The following SFSWAP variants were observed in gnomAD, a reference collection of about 807,000 sequenced individuals.
SFSWAP encodes the protein splicing factor, suppressor of white-apricot homolog.
A neutral mutation model predicts 100.7 loss-of-function variants in SFSWAP; 17 were observed. The observed-to-expected ratio is 0.17, with a 90% CI of 0.12 to 0.25. The LOEUF is 0.25. Among genes scored for constraint, SFSWAP ranks in the 10% least tolerant of loss-of-function variants. SFSWAP has a pLI of 1.00. For synonymous variants in SFSWAP, 504 were observed against 510.1 expected (o/e 0.99, Z 0.16); for missense variants, 1,005 against 1,262.6 (o/e 0.80, Z 3.09).
intron 13 of SFSWAP, among the ~76,000 whole-genome samples, chr12:131,772,262 C>T (rs575320405): frequency 2.0e-5 from 3 of 152,286 alleles, no homozygotes; most frequent in South Asian, 4.1e-4. Context: ...CATTTGTACT[C>T]GATCTTTCTG....
Position 131,754,441 on chromosome 12 carries a change from T to C in SFSWAP, c.1396T>C (p.Tyr466His). ...VQPVIDKLAE[Y>H]VARNGLKFET... is the part of the protein sequence containing the mutation. ...GCCCGTGATTGACAAGCTGGCCGAG[T>C]ATGTCGCCAGGAACGGCCTGAAGTT... is the stretch of plus-strand genomic sequence containing the variant. The change falls in exon 9 of 18, where the codon TAT becomes CAT. Residue 466 changes from tyrosine (Y) to histidine (H), a missense_variant. Physicochemically the swap from Tyr to His is moderately conservative, Grantham distance 83. Transcript: ENST00000261674. 1 of 1,578,778 alleles carries C rather than the reference T, an allele frequency of 6.3e-7. No homozygotes were observed. The highest frequency in any genetic ancestry group is 8.6e-7 in the Non-Finnish European group (1 of 1,161,788).
chr12:131,728,528 C>T (rs1879205164), intron 7 of SFSWAP, 100 bp downstream of exon 7: 2 of 1,354,094 alleles, frequency 1.5e-6, no homozygotes, highest in Admixed American at 1.9e-5. Flanking sequence ...CCAAGTGTAA[C>T]AAGTATGGAA....
chr12:131,783,053 C>T (rs1399864016), intron 14 of SFSWAP, among the ~76,000 whole-genome samples: 1 of 151,876 alleles, frequency 6.6e-6, no homozygotes, highest in East Asian at 1.9e-4. Flanking sequence ...TGTTGGTGTG[C>T]GCCTATAATC....
Position 131,766,099 on chromosome 12 carries a change from T to C in SFSWAP, c.1952-19T>C. 1 of 1,579,812 alleles carries C rather than the reference T, an allele frequency of 6.3e-7. No individual in the cohort carries two copies. The highest frequency in any genetic ancestry group is 8.6e-7 in the Non-Finnish European group (1 of 1,167,932). ...CTGTTTGCTCTAAACTTCTCTTTTT[T>C]CTTTGTTTATTCCTTAAGCAAAGCA... On this transcript the variant is annotated intron_variant, in intron 12 of 17. Coordinates refer to ENST00000261674, the MANE Select transcript of SFSWAP (RefSeq NM_004592.4).
At chr12:131,765,177 A>G (rs1431489599) in intron 12 of SFSWAP, among the ~76,000 whole-genome samples, 1 of 152,148 alleles carries the variant, frequency 6.6e-6, no homozygotes, top group Non-Finnish European at 1.5e-5. Context: ...CCACCCCAAC[A>G]CTGCTGGCAG....
At chr12:131,712,203 C>T (rs1448921186) in intron 1 of SFSWAP, 1 of 152,138 alleles carries the variant, frequency 6.6e-6, no homozygotes, top group Non-Finnish European at 1.5e-5. Flanking sequence ...TGTGTTGTTT[C>T]TTTTCAAATC....
intron 7 of SFSWAP, among the ~76,000 whole-genome samples, chr12:131,741,302 ATAT>A (rs1384843197): frequency 6.6e-6 from 1 of 151,978 alleles, no homozygotes. Context: ...ATGTCATAAA[ATAT>A]TATTTTGTTT....
chr12:131,773,851 CATCAG>C (rs2136248747), intron 13 of SFSWAP, among the ~76,000 whole-genome samples: 1 of 152,306 alleles, frequency 6.6e-6, no homozygotes, highest in South Asian at 2.1e-4. Flanking sequence ...TGGGCATTTC[CATCAG>C]GACAGCACAG....
intron 14 of SFSWAP, chr12:131,785,254 A>C: frequency 2.0e-6 from 3 of 1,521,196 alleles, no homozygotes; most frequent in Non-Finnish European, 2.6e-6. Context: ...CGCCTTTATC[A>C]TCTGTTCTGT....
rs1885520464 is a variant in SFSWAP, at chr12:131,794,927, C to T, written c.2535-2251C>T. On this transcript the variant is annotated intron_variant, in intron 15 of 17. Transcript: ENST00000261674. This position sits in a 1 kb window ranked among gnomAD's most constrained non-coding sequence, Gnocchi z 4.8. ...AAGGATTAGTAACCTGCCTTTTGTTCATTATGCAGCCACATAAACTCAGCT... is the reference window on the plus strand; with the variant it reads ...AAGGATTAGTAACCTGCCTTTTGTTTATTATGCAGCCACATAAACTCAGCT... Among the ~76,000 whole-genome samples the T allele has an allele frequency of 6.6e-6, 1 of 152,214 alleles. No individual in the cohort carries two copies. Among genetic ancestry groups the T allele is most frequent in the South Asian group, 2.1e-4 (1 of 4,832 alleles).
At chr12:131,770,176 A>G (rs1883472381) in intron 13 of SFSWAP, among the ~76,000 whole-genome samples, 1 of 152,276 alleles carries the variant, frequency 6.6e-6, no homozygotes, top group African/African-American at 2.4e-5. Context: ...GACTTTACTA[A>G]GTATTCTAGC....
intron 4 of SFSWAP, among the ~76,000 whole-genome samples, chr12:131,720,402 C>T (rs755942468): frequency 3.3e-5 from 5 of 152,148 alleles, no homozygotes; most frequent in Non-Finnish European, 7.3e-5. Flanking sequence ...CTTCAGTCAC[C>T]GTGCTTTATG....
intron 14 of SFSWAP, chr12:131,783,745 C>A (rs1350495167): frequency 7.0e-6 from 1 of 142,728 alleles, no homozygotes; most frequent in African/African-American, 2.5e-5. Context: ...CGCCACTGCA[C>A]TCCATCCTGG....
Position 131,711,207 on chromosome 12 carries a change from G to C in SFSWAP, c.-23G>C. The C allele has an allele frequency of 7.7e-6, 12 of 1,563,294 alleles. No homozygotes were observed. Among genetic ancestry groups the C allele is most frequent in the East Asian group, 7.0e-5 (3 of 42,938 alleles). ...CGTCGCGCGGCACAGAAGAGGACCA[G>C]CCTGGACGCCGGGGACGCTGTCATG... On this transcript the variant is annotated 5_prime_UTR_variant, in exon 1 of 18. Transcript: ENST00000261674. This position sits in a 1 kb window ranked among gnomAD's most constrained non-coding sequence, Gnocchi z 4.9.
In SFSWAP at chr12:131,711,893, A is replaced by G. The variant is rs1167598502; in HGVS notation, c.218+446A>G. On this transcript the variant is annotated intron_variant, in intron 1 of 17. Transcript: ENST00000261674. The surrounding 1 kb of genome is among the most constrained non-coding windows in gnomAD (Gnocchi z 4.9). ...AGGGTACCCTGGGAGGCGTGCCTTT[A>G]TTCTTCCGAACCGCCGCTCACTGAG... 5.6e-6 allele frequency: 1 copy of G among 179,734 alleles called. No individual in the cohort carries two copies. Among genetic ancestry groups the G allele is most frequent in the African/African-American group, 2.4e-5 (1 of 42,016 alleles). The allele number at this position is 179,734 out of a possible 1,614,324, so 11.1% of individuals were successfully genotyped here. A position where few individuals can be genotyped will look rare whatever the true frequency, so the allele number is the denominator to read the frequency against.
Position 131,716,945 on chromosome 12 carries a change from T to G in SFSWAP, c.520+1992T>G, listed in dbSNP as rs183111958. Among the ~76,000 whole-genome samples the G allele has an allele frequency of 9.8e-4, 149 of 152,344 alleles. 2 individuals carry two copies. The highest frequency in any genetic ancestry group is 1.6e-3 in the Non-Finnish European group (106 of 68,034). ...GCTTTCCCCTTAAGATAAAGTTCTC[T>G]TTAGTATTTTACAATGTTACTTCTT... On this transcript the variant is annotated intron_variant, in intron 3 of 17. Transcript: ENST00000261674.
chr12:131,748,752 G>C (rs994469793), intron 7 of SFSWAP, among the ~76,000 whole-genome samples: 2 of 152,218 alleles, frequency 1.3e-5, no homozygotes, highest in East Asian at 1.9e-4. Context: ...ACTTACAAAT[G>C]TGCTTCCTGC....
rs1406372576 is a variant in SFSWAP, at chr12:131,797,374, T to G, written c.2717+14T>G. The G allele has an allele frequency of 6.3e-7, 1 of 1,593,376 alleles. No homozygotes were observed. The highest frequency in any genetic ancestry group is 8.6e-7 in the Non-Finnish European group (1 of 1,169,256). On this transcript the variant is annotated intron_variant, in intron 16 of 17. Transcript: ENST00000261674. ...GGAGCGCTCCAGGTAACCCCTGTCC[T>G]CCAGCAGCTCTCTCTGGGGAAAGGC...
At chr12:131,740,290 G>A (rs565611391) in intron 7 of SFSWAP, among the ~76,000 whole-genome samples, 3 of 152,260 alleles carry the variant, frequency 2.0e-5, no homozygotes, top group Non-Finnish European at 4.4e-5. Flanking sequence ...ACGATGCACC[G>A]AGTCGCTTGC....
Sources: gnomAD v4.1 joint callset for allele counts (sites outside exome capture counted in the v4.1 genomes callset) on GRCh38, gnomAD v4.1.1 for gene constraint, Gnocchi (gnomAD v3.1) non-coding constraint, MANE v1.5 for transcripts, NCBI Gene and HGNC (gene_info 2026-07-23, HGNC 2026-07-21) for gene names.